The following RTN4 variants were observed in gnomAD, a reference collection of about 807,000 sequenced individuals.
The protein encoded by RTN4 is reticulon 4.
Under a neutral mutation model 90.4 loss-of-function variants are expected in RTN4, and 32 were observed. The observed-to-expected ratio is 0.35, with a 90% CI of 0.27 to 0.48. The LOEUF (loss-of-function observed/expected upper bound fraction) is 0.48, where lower values mean the gene tolerates loss of function less well. Ranked by LOEUF, RTN4 falls within the 20% of genes least tolerant of loss-of-function variation. RTN4 has a pLI of 0.99. For missense variants in RTN4, 1,706 were observed against 1,430.2 expected (o/e 1.19, Z -3.11); for synonymous variants, 629 against 552.5 (o/e 1.14, Z -1.94).
At chr2:55,133,307 G>A in the RTN4 span, among the ~76,000 whole-genome samples, 1 of 152,062 alleles carries the variant, frequency 6.6e-6, no homozygotes, top group African/African-American at 2.4e-5. Context: ...CATGCAATGT[G>A]AAATAAGCAC....
chr2:55,086,192 G>C (rs1242246519), intron 1 of RTN4, among the ~76,000 whole-genome samples: 2 of 152,028 alleles, frequency 1.3e-5, no homozygotes, highest in African/African-American at 4.8e-5. Context: ...CCCCTGACTG[G>C]GAATATAAAG....
Position 55,067,435 on chromosome 2 carries a change from T to TA in RTN4, c.-63+13053dup, listed in dbSNP as rs34557804. Among the ~76,000 whole-genome samples, 530 of 149,462 alleles carry TA rather than the reference T, an allele frequency of 3.5e-3. 1 individual carries two copies. The Middle Eastern group carries it at 0.038, about 11-fold the overall frequency. ...CAATTTTTTTTTTTTTTTTTTAAGA[T>TA]AGAGTCTTGTTCTGTTACCCAGACT... On this transcript the variant is annotated intron_variant, in intron 2 of 3. Coordinates refer to the RTN4 transcript ENST00000427710.
At chr2:55,081,713 A>G (rs1176029885) in intron 1 of RTN4, among the ~76,000 whole-genome samples, 1 of 151,896 alleles carries the variant, frequency 6.6e-6, no homozygotes, top group Non-Finnish European at 1.5e-5. Flanking sequence ...ATTTTTTTTA[A>G]TTACCTGAGC....
intron 1 of RTN4, among the ~76,000 whole-genome samples, chr2:55,106,100 T>C (rs1384162483): frequency 6.6e-6 from 1 of 152,128 alleles, no homozygotes; most frequent in Non-Finnish European, 1.5e-5. Context: ...ATTTGGGGGG[T>C]TGTACTTTTT....
rs563854774 is a variant in RTN4 at position 55,044,285 on chromosome 2, G to C, written c.556+5460C>G. On this transcript the variant is annotated intron_variant, in intron 1 of 8. Transcript: ENST00000337526. ...GTGCACCTGTAGTCTCAGCTACCTGGGGGGCTGAAGTGGGAGGACTGCTTA... is the reference window on the plus strand; with the variant it reads ...GTGCACCTGTAGTCTCAGCTACCTGCGGGGCTGAAGTGGGAGGACTGCTTA... Among the ~76,000 whole-genome samples, 29 of 152,172 alleles carry C rather than the reference G, an allele frequency of 1.9e-4. 1 individual carries two copies. In the South Asian group the frequency reaches 6.0e-3, roughly 32 times the overall value.
intron 3 of RTN4, among the ~76,000 whole-genome samples, chr2:54,995,917 C>G (rs1558781396): frequency 6.6e-6 from 1 of 151,880 alleles, no homozygotes; most frequent in Non-Finnish European, 1.5e-5. Flanking sequence ...TATAACGAAA[C>G]AACACTGAAC....
Position 55,027,127 on chromosome 2 carries a change from G to T in RTN4, c.972C>A (p.Ile324=), listed in dbSNP as rs760157944. 1.2e-6 allele frequency: 2 copies of T among 1,613,102 alleles called. No individual in the cohort carries two copies. Among genetic ancestry groups the T allele is most frequent in the Non-Finnish European group, 8.5e-7 (1 of 1,179,652 alleles). ...TCTCTTCTTCATCTTTATTTTTCAC[G>T]ATTATTTCTTCCCTAGGATTTGCTA... The part of the protein sequence containing the change: ...VIVANPREEI[I]VKNKDEEEKL... Residue 324 remains isoleucine (I), a synonymous_variant, in exon 3 of 9, where the codon ATC becomes ATA. Transcript: ENST00000337526.
At chr2:55,073,609 G>A (rs1441302504) in intron 2 of RTN4, among the ~76,000 whole-genome samples, 1 of 152,156 alleles carries the variant, frequency 6.6e-6, no homozygotes, top group African/African-American at 2.4e-5. Context: ...ACACTACTAT[G>A]TCAATGTGCA....
intron 1 of RTN4, among the ~76,000 whole-genome samples, chr2:55,106,580 C>A (rs560614007): frequency 6.6e-6 from 1 of 151,968 alleles, no homozygotes; most frequent in Non-Finnish European, 1.5e-5. Flanking sequence ...AGTGCAGTGG[C>A]GTGATCTCGG....
chr2:55,013,778 C>T (rs540473283), intron 3 of RTN4, among the ~76,000 whole-genome samples: 27 of 152,260 alleles, frequency 1.8e-4, no homozygotes, highest in Admixed American at 7.8e-4. Flanking sequence ...CTTTCCTCTA[C>T]TTCTGCACCC....
At chr2:55,020,483 A>ACTT (rs2104834151) in intron 3 of RTN4, among the ~76,000 whole-genome samples, 1 of 148,870 alleles carries the variant, frequency 6.7e-6, no homozygotes, top group South Asian at 2.2e-4. Context: ...TGATACTACT[A>ACTT]CTGAGAAAAA....
chr2:55,040,794 A>T (rs1213218069), intron 1 of RTN4, among the ~76,000 whole-genome samples: 1 of 147,908 alleles, frequency 6.8e-6, no homozygotes, highest in Admixed American at 6.8e-5. Flanking sequence ...GGCCTAGTTA[A>T]AAAAAAAAAG....
intron 3 of RTN4, among the ~76,000 whole-genome samples, chr2:54,995,315 T>C (rs1340576320): frequency 6.6e-6 from 1 of 151,724 alleles, no homozygotes; most frequent in East Asian, 1.9e-4. Context: ...AAGCTATATA[T>C]ACATTTAAGA....
At chr2:55,121,334 C>A in the RTN4 span, among the ~76,000 whole-genome samples, 1 of 152,186 alleles carries the variant, frequency 6.6e-6, no homozygotes, top group Non-Finnish European at 1.5e-5. Flanking sequence ...AGTACAACAT[C>A]AGGAAAAATC....
Position 55,050,058 on chromosome 2 carries a change from G to A in RTN4, c.243C>T (p.Phe81=), listed in dbSNP as rs773309423. ...GCGCCGGCGGCACGAAGTCATTTCC[G>A]AAGTCCATCAGGGGCGCGCCGGCGG... ...APAAGAPLMD[F]GNDFVPPAPR... Residue 81 remains phenylalanine, a synonymous_variant, in exon 1 of 9, where the codon TTC becomes TTT. Transcript: ENST00000337526. This position sits in a 1 kb window ranked among gnomAD's most constrained non-coding sequence, Gnocchi z 4.6. The A allele has an allele frequency of 2.1e-6, 3 of 1,424,828 alleles. No homozygotes were observed. Among genetic ancestry groups the A allele is most frequent in the East Asian group, 5.6e-5 (2 of 35,646 alleles). The allele number at this position is 1,424,828 out of a possible 1,614,324, so 88.3% of individuals were successfully genotyped here.
At chr2:54,988,497 A>C (rs1678753870) in intron 3 of RTN4, among the ~76,000 whole-genome samples, 1 of 152,230 alleles carries the variant, frequency 6.6e-6, no homozygotes, top group African/African-American at 2.4e-5. Flanking sequence ...CAAAAACTAC[A>C]CATATGAATG....
intron 2 of RTN4, among the ~76,000 whole-genome samples, chr2:55,074,821 C>A (rs1002684709): frequency 6.6e-6 from 1 of 152,116 alleles, no homozygotes. Context: ...GACTTAAAAA[C>A]AAAAATCACA....
At chr2:55,097,758 A>G (rs563061497) in intron 1 of RTN4, among the ~76,000 whole-genome samples, 3 of 152,226 alleles carry the variant, frequency 2.0e-5, no homozygotes, top group Non-Finnish European at 2.9e-5. Flanking sequence ...AGTGAAATCC[A>G]TAATGAAGAG....
intron 3 of RTN4, 110 bp from the exon 4 acceptor site, chr2:54,987,808 A>G: frequency 1.2e-6 from 1 of 856,922 alleles, no homozygotes; most frequent in Non-Finnish European, 1.8e-6. Flanking sequence ...AAACCTAAAA[A>G]TTTAAAGAAA....
Sources: allele counts gnomAD v4.1 joint callset (sites outside exome capture counted in the v4.1 genomes callset), GRCh38; gene constraint gnomAD v4.1.1; non-coding constraint Gnocchi (gnomAD v3.1); transcripts MANE v1.5; gene names NCBI Gene and HGNC (gene_info 2026-07-23, HGNC 2026-07-21).